The following GCLC variants were observed in gnomAD, a reference collection of about 807,000 sequenced individuals.
GCLC encodes glutamate--cysteine ligase catalytic subunit.
GCLC carries 30 observed loss-of-function variants against 81.5 expected under a neutral mutation model. The observed-to-expected ratio is 0.37, with a 90% CI of 0.28 to 0.50. The LOEUF is 0.50. Among genes scored for constraint, GCLC ranks in the 20% least tolerant of loss-of-function variants. The pLI, the probability that GCLC is intolerant of heterozygous loss-of-function variation, is 0.96. For synonymous variants in GCLC, 262 were observed against 273.3 expected, an observed-to-expected ratio of 0.96 and a Z score of 0.41; for missense variants, 556 against 777.4, an observed-to-expected ratio of 0.72 and a Z score of 3.39.
chr6:53,502,721 A>G (rs1356398608), intron 12 of GCLC, among the ~76,000 whole-genome samples: 2 of 152,008 alleles, frequency 1.3e-5, no homozygotes, highest in Non-Finnish European at 2.9e-5. Flanking sequence ...GCTATTTTAT[A>G]TTATCTGTTT....
intron 1 of GCLC, among the ~76,000 whole-genome samples, chr6:53,530,280 C>G (rs2127628345): frequency 6.6e-6 from 1 of 152,262 alleles, no homozygotes; most frequent in East Asian, 1.9e-4. Context: ...TGTGTCATAA[C>G]CACATCTCAC....
intron 3 of GCLC, among the ~76,000 whole-genome samples, chr6:53,520,510 G>A (rs1198596354): frequency 6.6e-6 from 1 of 152,222 alleles, no homozygotes; most frequent in East Asian, 1.9e-4. Context: ...CGGCCACACT[G>A]CTGGTCTGTC....
intron 1 of GCLC, among the ~76,000 whole-genome samples, chr6:53,526,341 G>A (rs1484579000): frequency 6.6e-6 from 1 of 152,192 alleles, no homozygotes; most frequent in Non-Finnish European, 1.5e-5. Flanking sequence ...ACAGCAGACA[G>A]AGAAATACCT....
chr6:53,516,324 T>A (rs1764871131), intron 3 of GCLC, 102 bp from the exon 4 acceptor site: 1 of 769,700 alleles, frequency 1.3e-6, no homozygotes, highest in South Asian at 1.4e-5. Flanking sequence ...TCATTTCTAG[T>A]ATCCCCTTTT....
At chr6:53,519,834 A>T (rs1294519345) in intron 3 of GCLC, among the ~76,000 whole-genome samples, 1 of 152,226 alleles carries the variant, frequency 6.6e-6, no homozygotes, top group Non-Finnish European at 1.5e-5. Flanking sequence ...GGCTGGCTTA[A>T]ATAAGTTTTC....
intron 12 of GCLC, among the ~76,000 whole-genome samples, chr6:53,503,023 C>G (rs1764542262): frequency 6.6e-6 from 1 of 152,178 alleles, no homozygotes; most frequent in Admixed American, 6.5e-5. Context: ...TCCATATCCC[C>G]TTACAAGGTG....
intron 1 of GCLC, among the ~76,000 whole-genome samples, chr6:53,539,973 C>T (rs1470709293): frequency 6.6e-6 from 1 of 152,220 alleles, no homozygotes; most frequent in East Asian, 1.9e-4. Context: ...TCACGAGGCT[C>T]ACCTCATTGA....
At chr6:53,543,441 C>G (rs1763392730) in intron 1 of GCLC, among the ~76,000 whole-genome samples, 1 of 83,776 alleles carries the variant, frequency 1.2e-5, no homozygotes, top group Admixed American at 1.5e-4. Context: ...GAATCCCAAT[C>G]TTAGAAAAAA....
At chr6:53,503,190 C>T (rs1462770399) in intron 12 of GCLC, 1 of 152,226 alleles carries the variant, frequency 6.6e-6, no homozygotes, top group African/African-American at 2.4e-5. Context: ...TACGAAGAGA[C>T]ATCTGAAGAG....
intron 12 of GCLC, 148 bp downstream of exon 12, chr6:53,505,244 A>C (rs925566086): frequency 4.7e-6 from 3 of 644,752 alleles, no homozygotes; most frequent in Non-Finnish European, 8.3e-6. Context: ...GGTTTAAAAG[A>C]AAATAAAGAA....
chr6:53,543,919 T>C (rs1375012234), intron 1 of GCLC, among the ~76,000 whole-genome samples: 1 of 152,178 alleles, frequency 6.6e-6, no homozygotes, highest in Non-Finnish European at 1.5e-5. Flanking sequence ...TCCTCCCCCA[T>C]GTAGGAAACT....
chr6:53,534,760 A>G (rs1763231813), intron 1 of GCLC, among the ~76,000 whole-genome samples: 1 of 152,190 alleles, frequency 6.6e-6, no homozygotes, highest in Non-Finnish European at 1.5e-5. Flanking sequence ...ACATGACAAA[A>G]AAGATGTGAA....
chr6:53,528,616 C>T (rs1003290476), intron 1 of GCLC, among the ~76,000 whole-genome samples: 12 of 151,896 alleles, frequency 7.9e-5, no homozygotes. Flanking sequence ...AGGTTTTTTT[C>T]CTCCTACTTT....
chr6:53,514,373 G>C (rs767644566), intron 5 of GCLC, 36 bp from the exon 6 acceptor site: 4 of 1,590,146 alleles, frequency 2.5e-6, no homozygotes, highest in Non-Finnish European at 3.5e-6. Context: ...AAATGGTTTA[G>C]AATCCAGGAT....
chr6:53,525,751 A>G (rs976251177), intron 1 of GCLC, among the ~76,000 whole-genome samples: 16 of 152,196 alleles, frequency 1.1e-4, no homozygotes, highest in African/African-American at 3.9e-4. Context: ...AACTTGTGCA[A>G]TTAACATATC....
Position 53,544,812 on chromosome 6 carries a change from C to T in GCLC, c.-167G>A. The T allele has an allele frequency of 1.8e-6, 1 of 565,470 alleles. No individual in the cohort carries two copies. The highest frequency in any genetic ancestry group is 3.3e-5 in the South Asian group (1 of 30,474). 35.0% of individuals were successfully genotyped at this position (565,470 alleles called of 1,614,324 possible). The stretch of plus-strand genomic sequence containing the variant: ...GAGGGTCCTGCCCGCTCCGGCTCCC[C>T]GGCGGCGGCCCCTGGCGCCCAGGTG... On this transcript the variant is annotated 5_prime_UTR_variant, in exon 1 of 16. Coordinates refer to ENST00000650454, the MANE Select transcript of GCLC (RefSeq NM_001498.4).
Position 53,530,260 on chromosome 6 carries a change from G to A in GCLC, c.151-7733C>T, listed in dbSNP as rs1032150432. Reference sequence around the variant, plus strand: ...CCATTCCACCATCATACGAATCTGAGTGCAGACACTGTGTCATAACCACAT... The same window carrying A: ...CCATTCCACCATCATACGAATCTGAATGCAGACACTGTGTCATAACCACAT... On this transcript the variant is annotated intron_variant, in intron 1 of 15. Transcript: ENST00000650454. Among the ~76,000 whole-genome samples the A allele has an allele frequency of 1.3e-5, 2 of 152,166 alleles. 1 individual carries two copies. The highest frequency in any genetic ancestry group is 1.3e-4 in the Admixed American group (2 of 15,280).
At chr6:53,505,633 A>C in intron 11 of GCLC, 137 bp from the exon 12 acceptor site, 1 of 743,928 alleles carries the variant, frequency 1.3e-6, no homozygotes, top group Non-Finnish European at 2.4e-6. Context: ...CCCTTTGCCC[A>C]CATCTATTCT....
At chr6:53,504,885 G>C (rs995919318) in intron 12 of GCLC, among the ~76,000 whole-genome samples, 1 of 152,080 alleles carries the variant, frequency 6.6e-6, no homozygotes, top group Non-Finnish European at 1.5e-5. Flanking sequence ...AACCAAAGGC[G>C]TTCACCTCCT....
Sources: allele counts gnomAD v4.1 joint callset (sites outside exome capture counted in the v4.1 genomes callset), GRCh38; gene constraint gnomAD v4.1.1; transcripts MANE v1.5; gene names NCBI Gene and HGNC (gene_info 2026-07-23, HGNC 2026-07-21).